Variants in NELL1 observed in about 807,000 individuals in gnomAD.
NELL1 encodes protein kinase C-binding protein NELL1.
A neutral mutation model predicts 107.4 loss-of-function variants in NELL1; 76 were observed. The ratio of observed to expected loss-of-function variants is 0.71; its 90% confidence interval spans 0.59 to 0.86. NELL1 has a LOEUF of 0.86. NELL1 is among the 40% of genes least tolerant of loss of function. The pLI is 0.00. For missense variants in NELL1, 1,024 were observed against 1,005.5 expected, an observed-to-expected ratio of 1.02 and a Z score of -0.25; for synonymous variants, 353 against 341.2, an observed-to-expected ratio of 1.03 and a Z score of -0.38.
chr11:21,265,925 T>G (rs1848624711), intron 14 of NELL1, among the ~76,000 whole-genome samples: 1 of 152,048 alleles, frequency 6.6e-6, no homozygotes, highest in African/African-American at 2.4e-5. Context: ...TCCCTATTTT[T>G]TGGTCAATAT....
intron 3 of NELL1, among the ~76,000 whole-genome samples, chr11:20,836,847 G>A (rs141180137): frequency 1.8e-3 from 268 of 152,230 alleles, no homozygotes; most frequent in Non-Finnish European, 2.7e-3. Context: ...TTTTTAGGCA[G>A]TGGAACTATT....
At chr11:21,289,324 T>A (rs903241647) in intron 14 of NELL1, among the ~76,000 whole-genome samples, 4 of 152,130 alleles carry the variant, frequency 2.6e-5, no homozygotes, top group Non-Finnish European at 4.4e-5. Context: ...GCTCATCTCA[T>A]TGGGACTGAT....
chr11:21,407,718 C>G (rs777333983), intron 15 of NELL1, among the ~76,000 whole-genome samples: 2 of 146,882 alleles, frequency 1.4e-5, no homozygotes, highest in African/African-American at 2.5e-5. Flanking sequence ...TACCTCATCT[C>G]TCATCCCTCT....
At chr11:21,399,597 A>T (rs1278991218) in intron 15 of NELL1, among the ~76,000 whole-genome samples, 2 of 151,846 alleles carry the variant, frequency 1.3e-5, no homozygotes, top group African/African-American at 4.8e-5. Flanking sequence ...GTGCTTTCAC[A>T]TGTGTTTGCT....
chr11:21,446,427 AG>A (rs1207213685), intron 15 of NELL1, among the ~76,000 whole-genome samples: 4 of 152,084 alleles, frequency 2.6e-5, no homozygotes, highest in African/African-American at 9.7e-5. Flanking sequence ...GTCATAGAAG[AG>A]TTAGGTACTT....
At chr11:20,747,635 C>T (rs1856034082) in intron 2 of NELL1, among the ~76,000 whole-genome samples, 1 of 152,170 alleles carries the variant, frequency 6.6e-6, no homozygotes, top group Non-Finnish European at 1.5e-5. Context: ...CCTAAAGGCC[C>T]CACCTCTCAA....
chr11:21,107,992 C>T (rs971666912), intron 12 of NELL1, among the ~76,000 whole-genome samples: 1 of 152,136 alleles, frequency 6.6e-6, no homozygotes, highest in Non-Finnish European at 1.5e-5. Context: ...AAATTTTAGG[C>T]ACTCTACACG....
chr11:20,885,398 C>A, intron 4 of NELL1, 46 bp from the exon 5 acceptor site: 1 of 1,261,522 alleles, frequency 7.9e-7, no homozygotes, highest in Non-Finnish European at 1.2e-6. Context: ...CCTTTTGGTT[C>A]TGCTTTGAGC....
intron 2 of NELL1, among the ~76,000 whole-genome samples, chr11:20,779,556 T>G (rs1385613667): frequency 6.6e-6 from 1 of 152,246 alleles, no homozygotes; most frequent in Non-Finnish European, 1.5e-5. Context: ...CACTATAGGT[T>G]CCCATTAATT....
At chr11:20,745,156 A>T (rs757476534) in intron 2 of NELL1, among the ~76,000 whole-genome samples, 1 of 152,304 alleles carries the variant, frequency 6.6e-6, no homozygotes, top group African/African-American at 2.4e-5. Flanking sequence ...ACAGGATGTT[A>T]TCTTGTTCAC....
intron 10 of NELL1, among the ~76,000 whole-genome samples, chr11:20,939,083 G>A (rs1289697327): frequency 2.0e-5 from 3 of 151,972 alleles, no homozygotes; most frequent in South Asian, 2.1e-4. Flanking sequence ...ATGACCTAAG[G>A]TTATGATTGA....
intron 2 of NELL1, among the ~76,000 whole-genome samples, chr11:20,720,072 A>G (rs973498258): frequency 1.3e-5 from 2 of 152,188 alleles, no homozygotes; most frequent in Non-Finnish European, 2.9e-5. Context: ...TGGCCTGCCC[A>G]AAGCCTTTTT....
At chr11:21,236,590 G>A (rs1456556257) in intron 14 of NELL1, among the ~76,000 whole-genome samples, 2 of 152,134 alleles carry the variant, frequency 1.3e-5, no homozygotes, top group Non-Finnish European at 2.9e-5. Context: ...TATAGATGCT[G>A]AAAGTCCTAT....
intron 1 of NELL1, 53 bp from the exon 2 acceptor site, chr11:20,677,879 A>C (rs1476111932): frequency 1.9e-6 from 3 of 1,603,882 alleles, no homozygotes; most frequent in Non-Finnish European, 1.7e-6. Context: ...TAACCTCTGA[A>C]TGCTAGTAAC....
At position 21,064,209 on chromosome 11, in the gene NELL1, A is replaced by C. The variant is rs1050113392; in HGVS notation, c.1301-49380A>C. On this transcript the variant is annotated intron_variant, in intron 12 of 19. Coordinates refer to ENST00000357134, the MANE Select transcript of NELL1 (RefSeq NM_006157.5). Reference sequence around the variant, plus strand: ...AAGGGGCCAGATGGTGTAGGGACTCATAGGCCATTGTGTAGTCTTTGACTT... The same window carrying C: ...AAGGGGCCAGATGGTGTAGGGACTCCTAGGCCATTGTGTAGTCTTTGACTT... Among the ~76,000 whole-genome samples the C allele has an allele frequency of 8.5e-5, 13 of 152,320 alleles. No homozygotes were observed. The Middle Eastern group carries it at 0.01, about 120-fold the overall frequency.
intron 16 of NELL1, among the ~76,000 whole-genome samples, chr11:21,553,998 T>A (rs1026375505): frequency 2.0e-5 from 3 of 151,728 alleles, no homozygotes; most frequent in African/African-American, 7.3e-5. Context: ...CTCCTACTCA[T>A]AAGCAGATAT....
intron 13 of NELL1, among the ~76,000 whole-genome samples, chr11:21,167,673 C>T (rs1856515805): frequency 1.3e-5 from 2 of 151,820 alleles, no homozygotes; most frequent in Admixed American, 1.3e-4. Context: ...GTATGAGTCT[C>T]CTCCCTTGTT....
chr11:21,373,996 G>A (rs529821720), intron 15 of NELL1, among the ~76,000 whole-genome samples: 5 of 151,960 alleles, frequency 3.3e-5, no homozygotes, highest in African/African-American at 9.7e-5. Flanking sequence ...AATGCCACAC[G>A]GATGTAATGT....
intron 9 of NELL1, among the ~76,000 whole-genome samples, chr11:20,931,599 G>GA (rs1256270276): frequency 3.3e-5 from 5 of 152,044 alleles, no homozygotes; most frequent in South Asian, 2.1e-4. Flanking sequence ...AAAAGACAAA[G>GA]AAAAAATTGT....
Sources: gnomAD v4.1 joint callset for allele counts (sites outside exome capture counted in the v4.1 genomes callset) on GRCh38, gnomAD v4.1.1 for gene constraint, MANE v1.5 for transcripts, NCBI Gene and HGNC (gene_info 2026-07-23, HGNC 2026-07-21) for gene names.